The following ZSCAN4 variants were observed in gnomAD, a reference collection of about 807,000 sequenced individuals.
ZSCAN4 encodes zinc finger and SCAN domain containing 4, also known as zinc finger and SCAN domain-containing protein 4.
A neutral mutation model predicts 18.3 loss-of-function variants in ZSCAN4; 18 were observed. The observed-to-expected ratio is 0.98, with a 90% CI of 0.68 to 1.46. The LOEUF (loss-of-function observed/expected upper bound fraction) is 1.46. ZSCAN4 is among the 40% of genes most tolerant of loss of function. The probability of loss-of-function intolerance (pLI) is 0.00; values close to 1 mark genes in which losing one functional copy is unlikely to be tolerated. For missense variants in ZSCAN4, 498 were observed against 511.4 expected, an observed-to-expected ratio of 0.97 and a Z score of 0.25; for synonymous variants, 193 against 180.3, an observed-to-expected ratio of 1.07 and a Z score of -0.57.
exon 3 of ZSCAN4, chr19:57,676,433 C>A (rs1984191406): frequency 6.2e-7 from 1 of 1,614,088 alleles, no homozygotes; most frequent in Non-Finnish European, 8.5e-7. Context: ...TGATTGGTGG[C>A]CACTGCAATG....
upstream of ZSCAN4, among the ~76,000 whole-genome samples, chr19:57,668,751 C>T (rs1308071001): frequency 6.6e-6 from 1 of 152,180 alleles, no homozygotes; most frequent in African/African-American, 2.4e-5. Flanking sequence ...GTCTATCAAA[C>T]ATCATATGCT....
At chr19:57,657,922 A>C in the ZSCAN4 span, among the ~76,000 whole-genome samples, 6 of 152,198 alleles carry the variant, frequency 3.9e-5, no homozygotes, top group African/African-American at 1.4e-4. Context: ...TGTATTGTTT[A>C]GGGAGTAATG....
the ZSCAN4 span, among the ~76,000 whole-genome samples, chr19:57,659,691 C>T: frequency 0.78 from 119,169 of 152,054 alleles, 47,660 homozygotes; most frequent in African/African-American, 0.95. Context: ...TATGGGATGA[C>T]TAAAAAACTC....
the ZSCAN4 span, among the ~76,000 whole-genome samples, chr19:57,654,886 G>C: frequency 3.4e-4 from 52 of 152,256 alleles, no homozygotes; most frequent in Non-Finnish European, 5.7e-4. Context: ...TATTTGGACA[G>C]GCCCTCACCA....
At chr19:57,663,235 T>C in the ZSCAN4 span, among the ~76,000 whole-genome samples, 6 of 149,472 alleles carry the variant, frequency 4.0e-5, no homozygotes, top group African/African-American at 1.2e-4. Context: ...CCACATGTTA[T>C]TTAAAGCTAA....
chr19:57,652,374 C>G, the ZSCAN4 span, among the ~76,000 whole-genome samples: 1 of 152,184 alleles, frequency 6.6e-6, no homozygotes, highest in Non-Finnish European at 1.5e-5. Flanking sequence ...GGTAAATCGT[C>G]CGGGGTGCCC....
intron 2 of ZSCAN4, among the ~76,000 whole-genome samples, chr19:57,671,186 A>G (rs938873414): frequency 6.6e-6 from 1 of 152,076 alleles, no homozygotes; most frequent in African/African-American, 2.4e-5. Context: ...GTATTGCATT[A>G]TATGAAATAT....
the ZSCAN4 span, among the ~76,000 whole-genome samples, chr19:57,662,080 C>CAA: frequency 0.17 from 23,972 of 139,132 alleles, 2,142 homozygotes; most frequent in East Asian, 0.27. Context: ...GACTCTGTCT[C>CAA]AAAAAAAAAA....
At chr19:57,666,938 C>T (rs1212204969), upstream of ZSCAN4, among the ~76,000 whole-genome samples, 1 of 151,906 alleles carries the variant, frequency 6.6e-6, no homozygotes. Context: ...TCACTGTTTC[C>T]TACATACTGA....
intron 3 of ZSCAN4, among the ~76,000 whole-genome samples, chr19:57,676,991 C>T (rs985431649): frequency 1.3e-5 from 2 of 152,108 alleles, no homozygotes; most frequent in African/African-American, 2.4e-5. Flanking sequence ...GTTGGCCAGG[C>T]GGTCTCGAAC....
the ZSCAN4 span, among the ~76,000 whole-genome samples, chr19:57,660,869 C>G: frequency 3.1e-4 from 47 of 152,188 alleles, 1 homozygote; most frequent in Middle Eastern, 0.01. Flanking sequence ...CTCCCCTGGC[C>G]CCCAGTGTAG....
the ZSCAN4 span, among the ~76,000 whole-genome samples, chr19:57,655,571 C>T: frequency 2.0e-5 from 3 of 152,158 alleles, no homozygotes; most frequent in East Asian, 1.9e-4. Context: ...TCTATCAATA[C>T]ATTACCATTG....
chr19:57,678,804 T>C (rs1984274838), exon 5 of ZSCAN4: 1 of 1,614,136 alleles, frequency 6.2e-7, no homozygotes, highest in East Asian at 2.2e-5. Context: ...ATGTCCCTTT[T>C]GTAAGACAAG....
At chr19:57,668,730 C>T (rs151238977), upstream of ZSCAN4, among the ~76,000 whole-genome samples, 145 of 152,332 alleles carry the variant, frequency 9.5e-4, no homozygotes, top group African/African-American at 3.3e-3. Context: ...CTCTCTCAAG[C>T]CTCATGTTAA....
chr19:57,651,720 G>A, the ZSCAN4 span, among the ~76,000 whole-genome samples: 2 of 152,144 alleles, frequency 1.3e-5, no homozygotes, highest in Non-Finnish European at 2.9e-5. Flanking sequence ...AGTGAGCAGC[G>A]GCAGCTCATC....
chr19:57,665,301 T>C (rs1983825131), upstream of ZSCAN4, among the ~76,000 whole-genome samples: 1 of 152,192 alleles, frequency 6.6e-6, no homozygotes, highest in Non-Finnish European at 1.5e-5. Context: ...GTTCTGATAC[T>C]TTTCCTGGAG....
intron 2 of ZSCAN4, among the ~76,000 whole-genome samples, chr19:57,671,956 T>C (rs1243542180): frequency 6.6e-6 from 1 of 152,244 alleles, no homozygotes; most frequent in Non-Finnish European, 1.5e-5. Context: ...ATTTGCTTTT[T>C]TCAAAATTGC....
At chr19:57,654,889 C>T in the ZSCAN4 span, among the ~76,000 whole-genome samples, 1 of 152,186 alleles carries the variant, frequency 6.6e-6, no homozygotes, top group African/African-American at 2.4e-5. Context: ...TTGGACAGGC[C>T]CTCACCAGGG....
At chr19:57,669,536 T>C (rs1463264081) in intron 1 of ZSCAN4, among the ~76,000 whole-genome samples, 1 of 152,144 alleles carries the variant, frequency 6.6e-6, no homozygotes, top group Non-Finnish European at 1.5e-5. Flanking sequence ...CAAACAATTC[T>C]TCTGCTCAGC....
Sources: allele counts gnomAD v4.1 joint callset (sites outside exome capture counted in the v4.1 genomes callset), GRCh38; gene constraint gnomAD v4.1.1; transcripts MANE v1.5; gene names NCBI Gene and HGNC (gene_info 2026-07-23, HGNC 2026-07-21).